The following NAALADL2 variants were observed in gnomAD, a reference collection of about 807,000 sequenced individuals.
NAALADL2 encodes the protein inactive N-acetylated-alpha-linked acidic dipeptidase-like protein 2.
Under a neutral mutation model 87.2 loss-of-function variants are expected in NAALADL2, and 76 were observed. The ratio of observed to expected loss-of-function variants is 0.87; its 90% CI spans 0.72 to 1.05. The LOEUF is 1.05. Ranked by LOEUF, NAALADL2 falls within the 50% of genes least tolerant of loss-of-function variation. The pLI is 0.00. For synonymous variants in NAALADL2, 354 were observed against 331.0 expected, an observed-to-expected ratio of 1.07 and a Z score of -0.75; for missense variants, 1,089 against 945.8, an observed-to-expected ratio of 1.15 and a Z score of -1.99.
chr3:175,004,988 T>G (rs545743441), intron 1 of NAALADL2, among the ~76,000 whole-genome samples: 87 of 152,282 alleles, frequency 5.7e-4, no homozygotes, highest in African/African-American at 2.0e-3. Flanking sequence ...ATTCCTCCTC[T>G]GTGGCACCTG....
chr3:174,692,831 C>T (rs1212237216), intron 2 of NAALADL2, among the ~76,000 whole-genome samples: 2 of 151,552 alleles, frequency 1.3e-5, no homozygotes, highest in South Asian at 2.1e-4. Context: ...TAAAATACTG[C>T]AATCATTATT....
At chr3:175,784,627 T>A (rs1279153813) in intron 13 of NAALADL2, among the ~76,000 whole-genome samples, 3 of 144,368 alleles carry the variant, frequency 2.1e-5, no homozygotes, top group Admixed American at 6.9e-5. Flanking sequence ...GTGGTCTATC[T>A]ATTTTGTTGA....
intron 5 of NAALADL2, among the ~76,000 whole-genome samples, chr3:175,443,492 CG>C (rs1346747085): frequency 6.6e-6 from 1 of 152,040 alleles, no homozygotes; most frequent in Non-Finnish European, 1.5e-5. Flanking sequence ...TAGGGATAGA[CG>C]GGTTTTGAAA....
intron 2 of NAALADL2, among the ~76,000 whole-genome samples, chr3:174,610,556 C>T (rs1367921105): frequency 2.6e-5 from 4 of 152,080 alleles, no homozygotes; most frequent in African/African-American, 4.8e-5. Flanking sequence ...CCAAAAAACA[C>T]GTGAAAAAAT....
intron 2 of NAALADL2, among the ~76,000 whole-genome samples, chr3:175,225,814 C>G (rs984178580): frequency 6.6e-6 from 1 of 151,998 alleles, no homozygotes; most frequent in African/African-American, 2.4e-5. Context: ...CTTTCAGATA[C>G]CCTATTGTGT....
chr3:174,550,393 T>G (rs1711978009), intron 1 of NAALADL2, among the ~76,000 whole-genome samples: 2 of 152,014 alleles, frequency 1.3e-5, no homozygotes, highest in Non-Finnish European at 1.5e-5. Context: ...GTCATTTTTA[T>G]GTAACTTAAT....
intron 3 of NAALADL2, among the ~76,000 whole-genome samples, chr3:174,749,075 T>A (rs532963413): frequency 4.4e-4 from 67 of 152,312 alleles, no homozygotes; most frequent in African/African-American, 1.5e-3. Flanking sequence ...CCAGGACTTA[T>A]AACATTTAAT....
chr3:175,250,809 T>C (rs1336844674), intron 3 of NAALADL2, among the ~76,000 whole-genome samples: 1 of 152,238 alleles, frequency 6.6e-6, no homozygotes, highest in Non-Finnish European at 1.5e-5. Context: ...TAGCACATAA[T>C]AGGAGCTCAC....
intron 1 of NAALADL2, among the ~76,000 whole-genome samples, chr3:174,985,874 C>G (rs1212679059): frequency 2.0e-5 from 3 of 151,910 alleles, no homozygotes; most frequent in Non-Finnish European, 4.4e-5. Flanking sequence ...ATTGCTTGAA[C>G]CTGGGAGGCG....
chr3:174,464,303 G>A (rs886734686), intron 1 of NAALADL2, among the ~76,000 whole-genome samples: 6 of 151,532 alleles, frequency 4.0e-5, no homozygotes, highest in Non-Finnish European at 8.8e-5. Flanking sequence ...AGCATAAACA[G>A]TAGTAGTTTT....
Position 175,391,682 on chromosome 3 carries a change from A to T in NAALADL2, c.1091-55547A>T, listed in dbSNP as rs1454033810. 2.0e-5 allele frequency among the ~76,000 whole-genome samples: 3 copies of T among 152,176 alleles called. No homozygotes were observed. The East Asian group carries it at 5.8e-4, about 29-fold the overall frequency. Reference sequence around the variant, plus strand: ...TCTTGACCTAAAGAAACTGTAAAATAATAAGAATTTATTATTAAGCTGCTG... The same window carrying T: ...TCTTGACCTAAAGAAACTGTAAAATTATAAGAATTTATTATTAAGCTGCTG... On this transcript the variant is annotated intron_variant, in intron 5 of 13. Coordinates refer to ENST00000454872, the MANE Select transcript of NAALADL2 (RefSeq NM_207015.3).
chr3:175,074,982 G>A, intron 1 of NAALADL2, among the ~76,000 whole-genome samples: 1 of 151,996 alleles, frequency 6.6e-6, no homozygotes, highest in East Asian at 1.9e-4. Flanking sequence ...AATAAAATAG[G>A]TGTTAGAGAG....
chr3:174,838,021 G>GAAAAAAAAA (rs77681462), intron 3 of NAALADL2, among the ~76,000 whole-genome samples: 3 of 71,990 alleles, frequency 4.2e-5, no homozygotes, highest in African/African-American at 9.6e-5. Context: ...AACCAAAAAA[G>GAAAAAAAAA]AAAAAAAAAA....
chr3:174,663,783 C>CT lies in NAALADL2; in HGVS notation c.-114-73848dup, dbSNP rs1336482684. ...TTCATTTACTATATTCACTGGATTT[C>CT]TTTTTTTTTTCTTTTTTTTTTTGAG... On this transcript the variant is annotated intron_variant, in intron 2 of 3. Transcript: ENST00000434257. Among the ~76,000 whole-genome samples the CT allele has an allele frequency of 9.9e-4, 123 of 124,742 alleles. 1 individual carries two copies. The highest frequency in any genetic ancestry group is 1.2e-3 in the East Asian group (5 of 4,066). The allele number at this position is 124,742 out of a possible 152,430, so 81.8% of individuals were successfully genotyped here.
chr3:174,976,942 C>T (rs1325248716), intron 1 of NAALADL2, among the ~76,000 whole-genome samples: 1 of 152,094 alleles, frequency 6.6e-6, no homozygotes, highest in Non-Finnish European at 1.5e-5. Context: ...ATCTAGTTCC[C>T]AGATGTGAAA....
intron 2 of NAALADL2, among the ~76,000 whole-genome samples, chr3:174,601,266 C>A (rs370193495): frequency 2.0e-5 from 3 of 152,122 alleles, no homozygotes; most frequent in Admixed American, 6.5e-5. Flanking sequence ...AACAGTTGTG[C>A]GAGGGTTTCC....
chr3:174,447,968 CTTA>C (rs1715180894), intron 1 of NAALADL2, among the ~76,000 whole-genome samples: 1 of 152,058 alleles, frequency 6.6e-6, no homozygotes, highest in Middle Eastern at 3.2e-3. Flanking sequence ...CATCAAAATA[CTTA>C]TTATTGCTGT....
intron 9 of NAALADL2, among the ~76,000 whole-genome samples, chr3:175,503,244 G>A (rs904559562): frequency 6.6e-6 from 1 of 152,110 alleles, no homozygotes; most frequent in Admixed American, 6.6e-5. Context: ...CCATGTTGCT[G>A]CAAAGGACAT....
intron 3 of NAALADL2, among the ~76,000 whole-genome samples, chr3:174,853,216 A>G (rs1231477100): frequency 2.7e-5 from 4 of 148,068 alleles, no homozygotes; most frequent in Non-Finnish European, 6.0e-5. Context: ...AAAAAAAAAA[A>G]AAAAAAAAAA....
Sources: allele counts gnomAD v4.1 joint callset (sites outside exome capture counted in the v4.1 genomes callset), GRCh38; gene constraint gnomAD v4.1.1; transcripts MANE v1.5; gene names NCBI Gene and HGNC (gene_info 2026-07-23, HGNC 2026-07-21).